IL1RAPL2: variants seen among roughly 807,000 people sequenced by gnomAD.
IL1RAPL2 encodes the protein X-linked interleukin-1 receptor accessory protein-like 2.
Under a neutral mutation model 44.1 loss-of-function variants are expected in IL1RAPL2, and 3 were observed. The ratio of observed to expected loss-of-function variants is 0.07; its 90% CI spans 0.03 to 0.18. The LOEUF (loss-of-function observed/expected upper bound fraction) is 0.18. IL1RAPL2 is among the 10% of genes least tolerant of loss of function. IL1RAPL2 has a pLI of 1.00. For missense variants in IL1RAPL2, 391 were observed against 496.4 expected (o/e 0.79, Z 2.02); for synonymous variants, 181 against 178.8 (o/e 1.01, Z -0.10).
chrX:105,400,529 C>T (rs1343303117), intron 5 of IL1RAPL2, among the ~76,000 whole-genome samples: 1 of 111,549 alleles, frequency 9.0e-6, no homozygotes, highest in Non-Finnish European at 1.9e-5. Flanking sequence ...TTGATTCACA[C>T]TGGATTCCCA....
chrX:105,027,885 T>G (rs1434382391), intron 2 of IL1RAPL2, among the ~76,000 whole-genome samples: 1 of 112,064 alleles, frequency 8.9e-6, no homozygotes, highest in Non-Finnish European at 1.9e-5. Flanking sequence ...CACCTGTGTT[T>G]GTTGCAGCAC....
At chrX:105,468,998 C>T (rs942290751) in intron 5 of IL1RAPL2, among the ~76,000 whole-genome samples, 1 of 111,647 alleles carries the variant, frequency 9.0e-6, no homozygotes. Flanking sequence ...ACTGCAAAAG[C>T]ACAGTCTTAG....
intron 2 of IL1RAPL2, among the ~76,000 whole-genome samples, chrX:104,784,180 C>A (rs1353612365): frequency 8.9e-6 from 1 of 112,167 alleles, no homozygotes; most frequent in Admixed American, 9.5e-5. Flanking sequence ...AACTTTACTG[C>A]ATAATCTTAT....
intron 1 of IL1RAPL2, among the ~76,000 whole-genome samples, chrX:104,596,792 AG>A (rs1928772399): frequency 9.0e-6 from 1 of 111,406 alleles, no homozygotes; most frequent in African/African-American, 3.3e-5. Context: ...CAGAATGGAG[AG>A]AGACATTCAA....
chrX:104,596,561 T>C (rs1384579392), intron 1 of IL1RAPL2, among the ~76,000 whole-genome samples: 1 of 111,015 alleles, frequency 9.0e-6, no homozygotes, highest in African/African-American at 3.3e-5. Context: ...TATTATTAAT[T>C]TAAATAATTA....
intron 2 of IL1RAPL2, among the ~76,000 whole-genome samples, chrX:104,965,256 A>G (rs2030097153): frequency 9.0e-6 from 1 of 111,550 alleles, no homozygotes; most frequent in African/African-American, 3.3e-5. Context: ...AAAGGTATAT[A>G]TATGGCCAAG....
intron 6 of IL1RAPL2, among the ~76,000 whole-genome samples, chrX:105,609,429 TGAGAGAGA>T (rs758093940): frequency 9.2e-6 from 1 of 108,435 alleles, no homozygotes; most frequent in African/African-American, 3.3e-5. Flanking sequence ...AAATAGTGCA[TGAGAGAGA>T]GAGAGAGAGT....
In IL1RAPL2 at chrX:105,717,491, A is replaced by T; in HGVS notation, c.897A>T (p.Glu299Asp). 1 of 1,198,490 alleles carries T rather than the reference A, an allele frequency of 8.3e-7. No individual in the cohort carries two copies. Among genetic ancestry groups the T allele is most frequent in the South Asian group, 1.8e-5 (1 of 55,428 alleles). The change falls in exon 7 of 11, where the codon GAA (glutamate) becomes GAT (aspartate). Residue 299 changes from glutamate to aspartate, a missense_variant. By Grantham distance (45) the Glu-to-Asp change is conservative (BLOSUM62 2). Coordinates refer to ENST00000372582, the MANE Select transcript of IL1RAPL2 (RefSeq NM_017416.2). ...TGGCAGGTCACATTAGAGAAGGTGA[A>T]ATAAGGTAGAGAGCTTGAATTGCTT... is the stretch of plus-strand genomic sequence containing the variant. ...EELAGHIREGEIRLLKEHLGE... is the reference protein window; with the variant it reads ...EELAGHIREGDIRLLKEHLGE...
At chrX:104,751,358 T>C (rs192710320) in intron 2 of IL1RAPL2, among the ~76,000 whole-genome samples, 2 of 111,546 alleles carry the variant, frequency 1.8e-5, no homozygotes, top group African/African-American at 6.5e-5. Context: ...AAAACAAATA[T>C]TAAATACTGT....
intron 5 of IL1RAPL2, among the ~76,000 whole-genome samples, chrX:105,320,901 A>G (rs1314632986): frequency 9.0e-6 from 1 of 111,546 alleles, no homozygotes; most frequent in Non-Finnish European, 1.9e-5. Flanking sequence ...CCAGTGTTTC[A>G]TCCCTAGCTT....
chrX:105,054,374 T>C (rs2031967022), intron 2 of IL1RAPL2, among the ~76,000 whole-genome samples: 2 of 111,867 alleles, frequency 1.8e-5, no homozygotes, highest in Admixed American at 1.9e-4. Context: ...AACTGCTGTA[T>C]TGTATATGGA....
intron 2 of IL1RAPL2, among the ~76,000 whole-genome samples, chrX:105,143,892 C>T (rs940083752): frequency 7.3e-5 from 8 of 109,662 alleles, no homozygotes; most frequent in African/African-American, 1.7e-4. Flanking sequence ...TAATGTTAAA[C>T]GACGAGTTAA....
At chrX:104,879,905 T>C (rs1163084455) in intron 2 of IL1RAPL2, among the ~76,000 whole-genome samples, 1 of 111,011 alleles carries the variant, frequency 9.0e-6, no homozygotes, top group East Asian at 2.8e-4. Flanking sequence ...CAAGACAGAC[T>C]AAGTCTGGAC....
chrX:105,241,066 CA>C (rs1556207783), intron 4 of IL1RAPL2, among the ~76,000 whole-genome samples: 3 of 111,356 alleles, frequency 2.7e-5, no homozygotes, highest in Non-Finnish European at 5.7e-5. Context: ...AACAAATAAA[CA>C]AACAAAAATT....
chrX:104,901,713 A>C (rs12394034), intron 2 of IL1RAPL2, among the ~76,000 whole-genome samples: 6,329 of 111,092 alleles, frequency 0.057, 463 homozygotes, highest in African/African-American at 0.2. Context: ...CTGGTTTCAA[A>C]TTCCTGCCCT....
At chrX:105,597,323 C>T (rs997707097) in intron 6 of IL1RAPL2, among the ~76,000 whole-genome samples, 4 of 111,636 alleles carry the variant, frequency 3.6e-5, no homozygotes, top group African/African-American at 1.3e-4. Context: ...CACCTCACAC[C>T]TGTTAGGATG....
intron 2 of IL1RAPL2, among the ~76,000 whole-genome samples, chrX:104,688,505 G>A (rs923711822): frequency 2.7e-5 from 3 of 111,361 alleles, no homozygotes; most frequent in Non-Finnish European, 5.6e-5. Flanking sequence ...CACCCCCAAC[G>A]CTTAATGCAG....
At chrX:105,611,659 G>T (rs919428473) in intron 6 of IL1RAPL2, among the ~76,000 whole-genome samples, 8 of 111,833 alleles carry the variant, frequency 7.2e-5, no homozygotes, top group African/African-American at 2.3e-4. Context: ...CTAGGTGTGT[G>T]TAAGTACCCT....
At chrX:105,385,537 A>G (rs2035469964) in intron 5 of IL1RAPL2, among the ~76,000 whole-genome samples, 1 of 111,087 alleles carries the variant, frequency 9.0e-6, no homozygotes, top group African/African-American at 3.3e-5. Context: ...AAATCCAGGT[A>G]TGAGAAAATA....
Sources: gnomAD v4.1 joint callset for allele counts (sites outside exome capture counted in the v4.1 genomes callset) on GRCh38, gnomAD v4.1.1 for gene constraint, MANE v1.5 for transcripts, NCBI Gene and HGNC (gene_info 2026-07-23, HGNC 2026-07-21) for gene names.